METTL25: variants seen among roughly 807,000 people sequenced by gnomAD.
METTL25 encodes methyltransferase like 25, also known as probable methyltransferase-like protein 25.
METTL25 carries 64 observed loss-of-function variants against 71.6 expected under a neutral mutation model. The observed-to-expected ratio is 0.89, with a 90% CI of 0.73 to 1.10. The LOEUF is 1.10. Ranked by LOEUF, METTL25 falls within the 50% of genes least tolerant of loss-of-function variation. METTL25 has a pLI of 0.00. For missense variants in METTL25, 807 were observed against 707.0 expected (o/e 1.14, Z -1.60); for synonymous variants, 287 against 250.3 (o/e 1.15, Z -1.38).
intron 1 of METTL25, among the ~76,000 whole-genome samples, chr12:82,359,346 G>C: frequency 6.6e-6 from 1 of 152,286 alleles, no homozygotes; most frequent in East Asian, 1.9e-4. Context: ...GGAACCGCAG[G>C]CTAGGCTTGG....
chr12:82,412,901 GC>G (rs1443356478), intron 5 of METTL25, among the ~76,000 whole-genome samples: 2 of 151,302 alleles, frequency 1.3e-5, no homozygotes, highest in African/African-American at 4.9e-5. Flanking sequence ...TTACTGTTGT[GC>G]CCCAGCATTG....
intron 1 of METTL25, among the ~76,000 whole-genome samples, chr12:82,363,272 A>G (rs1882170797): frequency 1.3e-5 from 2 of 152,220 alleles, no homozygotes; most frequent in Admixed American, 1.3e-4. Flanking sequence ...AGATCCCACA[A>G]GTTTGCTGCA....
chr12:82,416,285 C>A (rs1592685063), intron 5 of METTL25, among the ~76,000 whole-genome samples: 1 of 152,144 alleles, frequency 6.6e-6, no homozygotes, highest in South Asian at 2.1e-4. Context: ...TTTTTCTGAT[C>A]ATTTAAGAGC....
intron 5 of METTL25, chr12:82,407,923 G>T (rs1044234136): frequency 4.1e-6 from 4 of 984,542 alleles, no homozygotes; most frequent in Non-Finnish European, 4.8e-6. Context: ...TTTTCTCACT[G>T]TATCTTTGCT....
At chr12:82,460,911 A>G (rs1465460470) in intron 9 of METTL25, among the ~76,000 whole-genome samples, 1 of 152,204 alleles carries the variant, frequency 6.6e-6, no homozygotes, top group Non-Finnish European at 1.5e-5. Context: ...TGGGAGGCCA[A>G]GGCGGGCGGA....
chr12:82,398,517 A>C (rs949417726), intron 3 of METTL25, among the ~76,000 whole-genome samples: 1 of 152,126 alleles, frequency 6.6e-6, no homozygotes, highest in Non-Finnish European at 1.5e-5. Context: ...GATATTCTGC[A>C]GACATGACTA....
At chr12:82,428,698 C>T (rs1436497945) in intron 5 of METTL25, among the ~76,000 whole-genome samples, 1 of 151,720 alleles carries the variant, frequency 6.6e-6, no homozygotes, top group Non-Finnish European at 1.5e-5. Flanking sequence ...ATTCAGATTG[C>T]CTGAGTTTAA....
intron 9 of METTL25, among the ~76,000 whole-genome samples, chr12:82,461,299 T>C (rs2642012): frequency 1 from 151,854 of 152,360 alleles, 75,677 homozygotes; most frequent in Middle Eastern, 1. Context: ...TTAACGTTTA[T>C]CAAACCTTTG....
chr12:82,439,924 C>A, intron 8 of METTL25: 1 of 602,196 alleles, frequency 1.7e-6, no homozygotes, highest in African/African-American at 2.0e-5. Flanking sequence ...CCTTTCTTCT[C>A]ACTTAAAAAC....
chr12:82,452,823 C>T (rs1891238334), intron 8 of METTL25, among the ~76,000 whole-genome samples: 1 of 151,928 alleles, frequency 6.6e-6, no homozygotes, highest in Non-Finnish European at 1.5e-5. Flanking sequence ...TTTCTTGAGC[C>T]ATGCACCGTA....
chr12:82,457,187 A>G (rs1196113894), intron 9 of METTL25, among the ~76,000 whole-genome samples: 1 of 152,018 alleles, frequency 6.6e-6, no homozygotes, highest in East Asian at 1.9e-4. Context: ...AAAATTAAAA[A>G]TCTTAAATTC....
chr12:82,403,260 C>T (rs1162687206), intron 5 of METTL25, 130 bp downstream of exon 5: 3 of 791,760 alleles, frequency 3.8e-6, no homozygotes, highest in Non-Finnish European at 5.9e-6. Context: ...TAACATCTGA[C>T]TTACTTGCAC....
At chr12:82,430,852 G>T (rs757180745) in intron 5 of METTL25, 41 bp from the exon 6 acceptor site, 17 of 1,081,416 alleles carry the variant, frequency 1.6e-5, no homozygotes, top group African/African-American at 9.6e-5. Context: ...GAAAAAGAAA[G>T]AATTTTATTT....
At chr12:82,387,942 A>G (rs1039210544) in intron 2 of METTL25, among the ~76,000 whole-genome samples, 1 of 151,742 alleles carries the variant, frequency 6.6e-6, no homozygotes, top group Non-Finnish European at 1.5e-5. Flanking sequence ...TATCTTTTAG[A>G]GCCATTTTTT....
At chr12:82,440,909 A>G (rs1289161409) in intron 8 of METTL25, among the ~76,000 whole-genome samples, 1 of 152,028 alleles carries the variant, frequency 6.6e-6, no homozygotes, top group East Asian at 1.9e-4. Context: ...ACAGAAGTAA[A>G]CCCAGCTTTT....
chr12:82,398,834 T>A lies in METTL25; in HGVS notation c.571T>A (p.Phe191Ile). ...LGSGKGYLSS[F>I]LSLKYGLKVY... ...TTCCGGTAAAGGCTACCTAAGCTCTTTTTTGTCCTTGAAGTATGGCTTAAA... is the reference window on the plus strand; with the variant it reads ...TTCCGGTAAAGGCTACCTAAGCTCTATTTTGTCCTTGAAGTATGGCTTAAA... The change falls in exon 4 of 12, where the codon TTT (phenylalanine) becomes ATT (isoleucine). Residue 191 changes from phenylalanine to isoleucine, a missense_variant. By Grantham distance (21) the Phe-to-Ile change is conservative (BLOSUM62 0). Transcript: ENST00000248306. 14 of 1,578,978 alleles carry A rather than the reference T, an allele frequency of 8.9e-6. No homozygotes were observed. The highest frequency in any genetic ancestry group is 1.2e-5 in the Non-Finnish European group (14 of 1,170,074).
At chr12:82,422,261 G>A (rs561968770) in intron 5 of METTL25, among the ~76,000 whole-genome samples, 65 of 152,182 alleles carry the variant, frequency 4.3e-4, no homozygotes, top group Middle Eastern at 3.4e-3. Flanking sequence ...ATCAATAAAC[G>A]TAATCCGGCA....
chr12:82,440,697 C>T (rs558005900), intron 8 of METTL25, among the ~76,000 whole-genome samples: 9 of 151,950 alleles, frequency 5.9e-5, no homozygotes, highest in East Asian at 3.9e-4. Context: ...GAAAACCAAA[C>T]GAAATGATTG....
At chr12:82,360,936 C>G (rs1881774493) in intron 1 of METTL25, among the ~76,000 whole-genome samples, 1 of 152,180 alleles carries the variant, frequency 6.6e-6, no homozygotes. Context: ...AGTGAAGCTG[C>G]AGACCTTTGC....
Sources: allele counts gnomAD v4.1 joint callset (sites outside exome capture counted in the v4.1 genomes callset), GRCh38; gene constraint gnomAD v4.1.1; transcripts MANE v1.5; gene names NCBI Gene and HGNC (gene_info 2026-07-23, HGNC 2026-07-21).